NLRP4: variants seen among roughly 807,000 people sequenced by gnomAD.
NLRP4 encodes the protein NLR family pyrin domain containing 4, also known as NACHT, LRR and PYD domains-containing protein 4.
A neutral mutation model predicts 84.7 loss-of-function variants in NLRP4; 44 were observed. The ratio of observed to expected loss-of-function variants is 0.52; its 90% CI spans 0.41 to 0.67. The LOEUF (loss-of-function observed/expected upper bound fraction) is 0.67. Among genes scored for constraint, NLRP4 ranks in the 30% least tolerant of loss-of-function variants. The pLI is 0.00. For missense variants in NLRP4, 1,260 were observed against 1,219.4 expected (o/e 1.03, Z -0.50); for synonymous variants, 544 against 476.4 (o/e 1.14, Z -1.85).
chr19:55,876,974 T>G (rs149204762), intron 7 of NLRP4, 22 bp from the exon 8 acceptor site: 1 of 1,603,796 alleles, frequency 6.2e-7, no homozygotes, highest in East Asian at 2.2e-5. Flanking sequence ...CCTTTAAGCA[T>G]GGTACCCTTA....
At chr19:55,855,773 A>C (rs112819818) in intron 2 of NLRP4, among the ~76,000 whole-genome samples, 2,509 of 152,354 alleles carry the variant, frequency 0.016, 73 homozygotes, top group African/African-American at 0.058. Flanking sequence ...ATAACTGTAA[A>C]GGAGTTTTCG....
chr19:55,880,861 T>A (rs1395241052), intron 9 of NLRP4, among the ~76,000 whole-genome samples: 1 of 152,236 alleles, frequency 6.6e-6, no homozygotes, highest in Non-Finnish European at 1.5e-5. Flanking sequence ...TCGGGACAAT[T>A]ATGCTACCTC....
At chr19:55,838,724 A>G (rs1254373200) in intron 1 of NLRP4, among the ~76,000 whole-genome samples, 2 of 152,146 alleles carry the variant, frequency 1.3e-5, no homozygotes, top group Non-Finnish European at 2.9e-5. Context: ...TCTGTTCAAG[A>G]TTTGTACACA....
chr19:55,859,451 C>T (rs1984630767), intron 3 of NLRP4, among the ~76,000 whole-genome samples: 2 of 152,074 alleles, frequency 1.3e-5, no homozygotes, highest in African/African-American at 4.8e-5. Flanking sequence ...GCTGCAGTGG[C>T]CCCATTACAG....
At chr19:55,880,768 A>C (rs1165249895) in intron 9 of NLRP4, among the ~76,000 whole-genome samples, 1 of 152,194 alleles carries the variant, frequency 6.6e-6, no homozygotes. Flanking sequence ...GGGGCTCCAG[A>C]AACAAATTGC....
chr19:55,880,570 T>C (rs1206225740), intron 9 of NLRP4, among the ~76,000 whole-genome samples: 2 of 152,168 alleles, frequency 1.3e-5, no homozygotes, highest in Non-Finnish European at 2.9e-5. Flanking sequence ...GCCCCTACCA[T>C]AGATAGTCTC....
At chr19:55,872,096 C>T (rs1379176715) in intron 7 of NLRP4, among the ~76,000 whole-genome samples, 1 of 152,110 alleles carries the variant, frequency 6.6e-6, no homozygotes, top group African/African-American at 2.4e-5. Flanking sequence ...GATCCGCCCG[C>T]CTCGGCCTCC....
chr19:55,851,986 T>C, intron 1 of NLRP4, 30 bp from the exon 2 acceptor site: 1 of 874,464 alleles, frequency 1.1e-6, no homozygotes, highest in East Asian at 2.5e-5. Context: ...TTATTTGTAA[T>C]AACTTGGCAC....
chr19:55,876,909 A>T, intron 7 of NLRP4, 87 bp from the exon 8 acceptor site: 1 of 1,106,170 alleles, frequency 9.0e-7, no homozygotes, highest in Non-Finnish European at 1.3e-6. Context: ...CATGAATGAC[A>T]AAGGCTGTCG....
At position 55,861,499 on chromosome 19, in the gene NLRP4, C is replaced by A. The variant is rs1390891479; in HGVS notation, c.1970C>A (p.Thr657Asn). The A allele has an allele frequency of 1.2e-6, 2 of 1,614,124 alleles. No homozygotes were observed. The highest frequency in any genetic ancestry group is 1.7e-6 in the Non-Finnish European group (2 of 1,180,006). Residue 657 changes from threonine (T) to asparagine (N), a missense_variant, in exon 4 of 10, where the codon ACC (threonine) becomes AAC (asparagine). This residue lies in a region of NLRP4 where 544 missense variants were observed against 531.7 expected (regional missense o/e 1.02). Transcript: ENST00000301295. ...ACCCTCAGCGAGTCGACCTTTGTGA[C>A]CTGGTGTAACCAGCTGAGGCATCCC... ...DSTLSESTFVTWCNQLRHPSC... is the reference protein window; with the variant it reads ...DSTLSESTFVNWCNQLRHPSC...
chr19:55,864,152 C>G (rs1330311526), intron 5 of NLRP4, among the ~76,000 whole-genome samples: 2 of 152,116 alleles, frequency 1.3e-5, no homozygotes, highest in Non-Finnish European at 2.9e-5. Context: ...TGAGGAAGTA[C>G]AACCATCATG....
chr19:55,854,664 C>A (rs1371906520), intron 2 of NLRP4, among the ~76,000 whole-genome samples: 2 of 152,080 alleles, frequency 1.3e-5, no homozygotes, highest in African/African-American at 4.8e-5. Flanking sequence ...GCGATGCTAG[C>A]CTTTCTTGCT....
chr19:55,865,079 C>T (rs1040939161), intron 5 of NLRP4, among the ~76,000 whole-genome samples: 4 of 152,136 alleles, frequency 2.6e-5, no homozygotes, highest in African/African-American at 4.8e-5. Context: ...CAAATTATTT[C>T]GTCACCCGTT....
At chr19:55,872,101 G>A (rs1410794257) in intron 7 of NLRP4, among the ~76,000 whole-genome samples, 3 of 152,026 alleles carry the variant, frequency 2.0e-5, no homozygotes, top group African/African-American at 4.8e-5. Context: ...GCCCGCCTCG[G>A]CCTCCCAAAG....
intron 1 of NLRP4, among the ~76,000 whole-genome samples, chr19:55,841,577 T>C (rs1983613988): frequency 6.6e-6 from 1 of 152,124 alleles, no homozygotes; most frequent in Non-Finnish European, 1.5e-5. Context: ...GTAATAGTGC[T>C]GCAGGCCGGG....
At chr19:55,872,347 T>C (rs1166414311) in intron 7 of NLRP4, among the ~76,000 whole-genome samples, 1 of 152,168 alleles carries the variant, frequency 6.6e-6, no homozygotes, top group Non-Finnish European at 1.5e-5. Flanking sequence ...CTAAAAGGAT[T>C]TTTTAAGGTC....
intron 9 of NLRP4, 144 bp from the exon 10 acceptor site, chr19:55,881,326 C>T: frequency 1.8e-6 from 1 of 551,470 alleles, no homozygotes; most frequent in South Asian, 2.3e-5. Flanking sequence ...CATACCGCTG[C>T]ATTTGATGTG....
rs191659636 is a variant in NLRP4 at position 55,856,597 on chromosome 19, C to G, written c.281-1077C>G. Among the ~76,000 whole-genome samples the G allele has an allele frequency of 3.9e-4, 58 of 148,082 alleles. 1 individual carries two copies. The East Asian group carries it at 8.4e-3, about 22-fold the overall frequency. ...GCAGTGCCATCTCAGCTCACTGCAA[C>G]CTCTGCCTCCCGGGTTCAAGCGATT... On this transcript the variant is annotated intron_variant, in intron 2 of 9. Coordinates refer to ENST00000301295, the MANE Select transcript of NLRP4 (RefSeq NM_134444.5).
intron 2 of NLRP4, among the ~76,000 whole-genome samples, chr19:55,853,862 CCTCT>C (rs763446993): frequency 1.5e-5 from 2 of 137,606 alleles, no homozygotes; most frequent in African/African-American, 2.7e-5. Context: ...TCTCTCTCTT[CCTCT>C]CTCTTTCTCT....
Sources: allele counts gnomAD v4.1 joint callset (sites outside exome capture counted in the v4.1 genomes callset), GRCh38; gene constraint gnomAD v4.1.1; regional missense constraint gnomAD v4.1.1; transcripts MANE v1.5; gene names NCBI Gene and HGNC (gene_info 2026-07-23, HGNC 2026-07-21).